The following ZC3H12B variants were observed in gnomAD, a reference collection of about 807,000 sequenced individuals.
The protein encoded by ZC3H12B is probable ribonuclease ZC3H12B.
Under a neutral mutation model 43.9 loss-of-function variants are expected in ZC3H12B, and 7 were observed. The ratio of observed to expected loss-of-function variants is 0.16; its 90% CI spans 0.09 to 0.30. ZC3H12B has a LOEUF of 0.30. Ranked by LOEUF, ZC3H12B falls within the 10% of genes least tolerant of loss-of-function variation. The probability of loss-of-function intolerance (pLI) is 1.00; values close to 1 mark genes in which losing one functional copy is unlikely to be tolerated. For missense variants in ZC3H12B, 475 were observed against 670.2 expected (o/e 0.71, Z 3.22); for synonymous variants, 222 against 241.7 (o/e 0.92, Z 0.76).
At chrX:65,361,355 A>G in the ZC3H12B span, among the ~76,000 whole-genome samples, 1 of 112,093 alleles carries the variant, frequency 8.9e-6, no homozygotes, top group Non-Finnish European at 1.9e-5. Context: ...TCTTTGAATT[A>G]TATTTTTTGG....
chrX:65,036,265 C>T, the ZC3H12B span, among the ~76,000 whole-genome samples: 4 of 111,950 alleles, frequency 3.6e-5, no homozygotes, highest in Non-Finnish European at 5.6e-5. Flanking sequence ...CAAAAGCATA[C>T]TGAATTTAGA....
chrX:65,505,629 G>GTAT (rs1294548800), exon 5 of ZC3H12B: 3 of 112,161 alleles, frequency 2.7e-5, no homozygotes, highest in African/African-American at 9.8e-5. Context: ...CTAAATCAGG[G>GTAT]TATTTGACAA....
intron 2 of ZC3H12B, among the ~76,000 whole-genome samples, chrX:65,383,714 G>C (rs1212646008): frequency 9.1e-6 from 1 of 110,436 alleles, no homozygotes; most frequent in African/African-American, 3.3e-5. Context: ...TCTGACAAAG[G>C]GCTAATATCC....
At chrX:65,227,028 G>A in the ZC3H12B span, among the ~76,000 whole-genome samples, 13 of 110,579 alleles carry the variant, frequency 1.2e-4, no homozygotes, top group Admixed American at 1.9e-4. Flanking sequence ...TGCACCAAGC[G>A]GACCTAATAG....
the ZC3H12B span, among the ~76,000 whole-genome samples, chrX:65,172,063 G>A: frequency 8.9e-6 from 1 of 112,524 alleles, no homozygotes; most frequent in African/African-American, 3.2e-5. Flanking sequence ...GATGAACCCA[G>A]TACCTCAGTT....
At chrX:65,335,515 C>T in the ZC3H12B span, among the ~76,000 whole-genome samples, 7 of 111,191 alleles carry the variant, frequency 6.3e-5, no homozygotes, top group African/African-American at 2.0e-4. Flanking sequence ...AGAGTTTTTA[C>T]AAAATCTAGA....
chrX:65,213,879 T>C, the ZC3H12B span, among the ~76,000 whole-genome samples: 1 of 101,942 alleles, frequency 9.8e-6, no homozygotes, highest in Non-Finnish European at 2.0e-5. Flanking sequence ...GAAGGCAACG[T>C]AAAAAAAAAA....
the ZC3H12B span, among the ~76,000 whole-genome samples, chrX:65,194,011 A>G: frequency 9.1e-6 from 1 of 110,104 alleles, no homozygotes; most frequent in African/African-American, 3.3e-5. Context: ...CAAGAGGAAG[A>G]AGGGTGGAGT....
At chrX:65,044,784 G>C in the ZC3H12B span, among the ~76,000 whole-genome samples, 4 of 110,774 alleles carry the variant, frequency 3.6e-5, no homozygotes, top group African/African-American at 1.3e-4. Flanking sequence ...AATAAAGTGA[G>C]TATCACAATA....
At chrX:65,054,225 A>G in the ZC3H12B span, among the ~76,000 whole-genome samples, 1 of 110,022 alleles carries the variant, frequency 9.1e-6, no homozygotes, top group Admixed American at 9.7e-5. Flanking sequence ...TTTCTTCTAG[A>G]GTTTTTATGG....
chrX:65,425,974 A>G (rs1253753674), intron 3 of ZC3H12B, among the ~76,000 whole-genome samples: 1 of 111,353 alleles, frequency 9.0e-6, no homozygotes, highest in Non-Finnish European at 1.9e-5. Context: ...TTGACCTCAT[A>G]GAATAAGTTA....
At chrX:65,213,028 T>G in the ZC3H12B span, among the ~76,000 whole-genome samples, 1 of 109,053 alleles carries the variant, frequency 9.2e-6, no homozygotes, top group Non-Finnish European at 1.9e-5. Flanking sequence ...CTTCTTTATT[T>G]TTTATCCATT....
At chrX:65,333,477 A>G in the ZC3H12B span, among the ~76,000 whole-genome samples, 4,179 of 112,128 alleles carry the variant, frequency 0.037, 80 homozygotes, top group South Asian at 0.059. Context: ...TAAAAGCTGT[A>G]TATAGCTCTC....
exon 5 of ZC3H12B, chrX:65,504,037 T>G (rs2068402787): frequency 8.9e-6 from 1 of 112,851 alleles, no homozygotes; most frequent in Non-Finnish European, 1.9e-5. Flanking sequence ...TTTTTTCTAA[T>G]AGAAATATTT....
intron 3 of ZC3H12B, among the ~76,000 whole-genome samples, chrX:65,403,024 T>A (rs1242910789): frequency 8.9e-6 from 1 of 112,177 alleles, no homozygotes; most frequent in Non-Finnish European, 1.9e-5. Context: ...GATATGTGAC[T>A]TTTCAGACAG....
At chrX:65,269,658 C>T in the ZC3H12B span, among the ~76,000 whole-genome samples, 3 of 109,712 alleles carry the variant, frequency 2.7e-5, no homozygotes. Context: ...CACCATCACA[C>T]CTGGCTTTTT....
At chrX:65,185,124 T>C in the ZC3H12B span, 1 of 111,457 alleles carries the variant, frequency 9.0e-6, no homozygotes, top group Non-Finnish European at 1.9e-5. Context: ...ACTAGGACAA[T>C]CACAATATGT....
At chrX:65,427,944 G>T (rs1417261835) in intron 3 of ZC3H12B, among the ~76,000 whole-genome samples, 2 of 111,862 alleles carry the variant, frequency 1.8e-5, no homozygotes, top group African/African-American at 6.5e-5. Flanking sequence ...ATGAGCTCTT[G>T]TAAGGCACAT....
chrX:65,256,817 A>C, the ZC3H12B span, among the ~76,000 whole-genome samples: 2 of 112,436 alleles, frequency 1.8e-5, no homozygotes, highest in South Asian at 7.4e-4. Flanking sequence ...TTCTCAAAAG[A>C]AGACATTTAT....
Sources: gnomAD v4.1 joint callset for allele counts (sites outside exome capture counted in the v4.1 genomes callset) on GRCh38, gnomAD v4.1.1 for gene constraint, MANE v1.5 for transcripts, NCBI Gene and HGNC (gene_info 2026-07-23, HGNC 2026-07-21) for gene names.